Variants in TXK observed in about 807,000 individuals in gnomAD.
TXK encodes the protein TXK tyrosine kinase, also known as tyrosine-protein kinase TXK.
In TXK, 60 loss-of-function variants were observed where a neutral mutation model predicts 81.0. That is an observed-to-expected ratio of 0.74 (90% CI 0.60 to 0.92). The LOEUF is 0.92. TXK is among the 40% of genes least tolerant of loss of function. The probability of loss-of-function intolerance (pLI) is 0.00; values close to 1 mark genes in which losing one functional copy is unlikely to be tolerated. For synonymous variants in TXK, 203 were observed against 210.7 expected (o/e 0.96, Z 0.32); for missense variants, 581 against 638.3 (o/e 0.91, Z 0.97).
intron 13 of TXK, among the ~76,000 whole-genome samples, chr4:48,073,147 G>A (rs78613422): frequency 7.6e-6 from 1 of 131,344 alleles, no homozygotes; most frequent in African/African-American, 2.9e-5. Context: ...GGCTAGTCTT[G>A]AACTCCTGGT....
chr4:48,087,549 C>T (rs1023585761), intron 9 of TXK, among the ~76,000 whole-genome samples: 22 of 152,036 alleles, frequency 1.4e-4, no homozygotes, highest in Admixed American at 2.0e-4. Context: ...GATTTTCCTG[C>T]CTCAGCCTCC....
chr4:48,121,612 T>A (rs1464851574), intron 1 of TXK, among the ~76,000 whole-genome samples: 4 of 152,346 alleles, frequency 2.6e-5, no homozygotes, highest in African/African-American at 9.6e-5. Flanking sequence ...CATCTCTGGA[T>A]TACTTATAAT....
At chr4:48,088,027 A>T (rs922561066) in intron 9 of TXK, among the ~76,000 whole-genome samples, 4 of 152,210 alleles carry the variant, frequency 2.6e-5, no homozygotes, top group African/African-American at 7.2e-5. Context: ...GTATTCTCTT[A>T]TGAAGAGAAT....
chr4:48,127,739 GGCATC>G lies in TXK; in HGVS notation c.16+6411_16+6415del, dbSNP rs138301998. On this transcript the variant is annotated intron_variant, in intron 1 of 14. Transcript: ENST00000264316. ...CCTCAGGCCAGCAAATCAGAAAAAG[GGCATC>G]GCATCAGATGTAATCTCTGTGACCT... Among the ~76,000 whole-genome samples, 832 of 152,276 alleles carry G rather than the reference GGCATC, an allele frequency of 5.5e-3. 4 individuals are homozygous for G. The highest frequency in any genetic ancestry group is 0.019 in the African/African-American group (808 of 41,548).
chr4:48,118,579 C>T (rs1039620444), intron 1 of TXK, among the ~76,000 whole-genome samples: 1 of 152,170 alleles, frequency 6.6e-6, no homozygotes, highest in African/African-American at 2.4e-5. Context: ...ATTTGATGAT[C>T]CGTGATTAAG....
rs772419762 is a variant in TXK at position 48,080,130 on chromosome 4, T to C, written c.957-2A>G. The C allele has an allele frequency of 6.2e-7, 1 of 1,610,590 alleles. No individual in the cohort carries two copies. The highest frequency in any genetic ancestry group is 8.5e-7 in the Non-Finnish European group (1 of 1,176,906). ...ACTAGCTTTGAATGAGATAATTTCC[T>C]GGTGAAGAAAAACATACACCAGTGA... On this transcript the variant is annotated splice_acceptor_variant, in intron 10 of 14. Transcript: ENST00000264316. LOFTEE classifies it high-confidence loss of function.
At position 48,110,620 on chromosome 4, in the gene TXK, A is replaced by C; in HGVS notation, c.381-17T>G. 2 of 1,604,706 alleles carry C rather than the reference A, an allele frequency of 1.2e-6. No homozygotes were observed. Among genetic ancestry groups the C allele is most frequent in the Non-Finnish European group, 1.7e-6 (2 of 1,172,938 alleles). On this transcript the variant is annotated splice_polypyrimidine_tract_variant and intron_variant, in intron 4 of 14. Transcript: ENST00000264316. ...CCTTCATTCCTACAACAAAAGAAAAAGCAAAAATCAAAATGCTTGGCATGT... is the reference window on the plus strand; with the variant it reads ...CCTTCATTCCTACAACAAAAGAAAACGCAAAAATCAAAATGCTTGGCATGT...
At chr4:48,080,284 C>T in intron 10 of TXK, 156 bp from the exon 11 acceptor site, 1 of 640,512 alleles carries the variant, frequency 1.6e-6, no homozygotes, top group East Asian at 2.8e-5. Context: ...AGTTTCCTTG[C>T]CACTTAATGC....
chr4:48,114,259 G>A (rs1718730947), intron 2 of TXK, 89 bp downstream of exon 2: 1 of 1,332,210 alleles, frequency 7.5e-7, no homozygotes, highest in African/African-American at 1.5e-5. Flanking sequence ...AGAGAGAACA[G>A]CGGGTGCAAA....
At chr4:48,104,693 G>A (rs1718395540) in intron 6 of TXK, among the ~76,000 whole-genome samples, 1 of 140,834 alleles carries the variant, frequency 7.1e-6, no homozygotes, top group African/African-American at 2.7e-5. Flanking sequence ...CAGGAGAAAC[G>A]TATTTCTGAA....
chr4:48,072,427 G>T (rs1716900039), intron 13 of TXK, among the ~76,000 whole-genome samples: 1 of 152,178 alleles, frequency 6.6e-6, no homozygotes, highest in African/African-American at 2.4e-5. Flanking sequence ...AAGAGTTTCA[G>T]CCAGTAAATG....
At chr4:48,085,364 A>G (rs990172188) in intron 10 of TXK, among the ~76,000 whole-genome samples, 4 of 152,158 alleles carry the variant, frequency 2.6e-5, no homozygotes, top group Admixed American at 2.0e-4. Flanking sequence ...TGAGTAGTGT[A>G]TCACTACTAA....
At chr4:48,088,641 G>T (rs1187934436) in intron 9 of TXK, among the ~76,000 whole-genome samples, 1 of 152,132 alleles carries the variant, frequency 6.6e-6, no homozygotes, top group Non-Finnish European at 1.5e-5. Flanking sequence ...AGACTTATGA[G>T]TTGTACACTA....
At chr4:48,080,668 A>ACT (rs1475930416) in intron 10 of TXK, among the ~76,000 whole-genome samples, 8 of 140,228 alleles carry the variant, frequency 5.7e-5, no homozygotes, top group Non-Finnish European at 1.2e-4. Context: ...GTAATCACAC[A>ACT]CACACACACA....
At chr4:48,085,632 C>A (rs1717491930) in intron 10 of TXK, among the ~76,000 whole-genome samples, 1 of 152,140 alleles carries the variant, frequency 6.6e-6, no homozygotes. Flanking sequence ...GCCTGCCACA[C>A]CCCTGTACTG....
rs1255311478 is a variant in TXK, at chr4:48,102,824, C to T, written c.501+2077G>A. ...TGTACCCATAACGGTACTTTGAAAA[C>T]ATAATGTTTAACTAAAAAATCAACA... On this transcript the variant is annotated intron_variant, in intron 6 of 14. Transcript: ENST00000264316. Among the ~76,000 whole-genome samples the T allele has an allele frequency of 3.3e-5, 5 of 152,216 alleles. No homozygotes were observed. In the South Asian group the frequency reaches 1.0e-3, roughly 32 times the overall value.
At chr4:48,115,319 T>G (rs1315159975) in intron 1 of TXK, among the ~76,000 whole-genome samples, 2 of 152,128 alleles carry the variant, frequency 1.3e-5, no homozygotes, top group Non-Finnish European at 2.9e-5. Flanking sequence ...TCTGTTCCTG[T>G]GTTAGTTTGC....
chr4:48,079,293 T>C (rs952081837), intron 11 of TXK, among the ~76,000 whole-genome samples: 1 of 152,244 alleles, frequency 6.6e-6, no homozygotes. Context: ...TTAGAAATTA[T>C]GGTTTAGGAG....
At chr4:48,092,460 G>A (rs940483980) in intron 8 of TXK, among the ~76,000 whole-genome samples, 2 of 152,094 alleles carry the variant, frequency 1.3e-5, no homozygotes, top group Admixed American at 1.3e-4. Context: ...TCAATATAGG[G>A]GCCACTGGTC....
Sources: allele counts gnomAD v4.1 joint callset (sites outside exome capture counted in the v4.1 genomes callset), GRCh38; gene constraint gnomAD v4.1.1; transcripts MANE v1.5; gene names NCBI Gene and HGNC (gene_info 2026-07-23, HGNC 2026-07-21).